UGT1A7: variants seen among roughly 807,000 people sequenced by gnomAD.
UGT1A7 encodes the protein UDP glucuronosyltransferase family 1 member A7.
A neutral mutation model predicts 45.6 loss-of-function variants in UGT1A7; 33 were observed. The observed-to-expected ratio is 0.72, with a 90% CI of 0.55 to 0.97. UGT1A7 has a LOEUF of 0.97. Ranked by LOEUF, UGT1A7 falls within the 50% of genes least tolerant of loss-of-function variation. The probability of loss-of-function intolerance (pLI) is 0.00; values close to 1 mark genes in which losing one functional copy is unlikely to be tolerated. For missense variants in UGT1A7, 684 were observed against 666.2 expected (o/e 1.03, Z -0.29); for synonymous variants, 274 against 250.6 (o/e 1.09, Z -0.88).
At chr2:233,752,814 C>T (rs1695070900) in intron 1 of UGT1A7, among the ~76,000 whole-genome samples, 1 of 152,214 alleles carries the variant, frequency 6.6e-6, no homozygotes, top group African/African-American at 2.4e-5. Flanking sequence ...GAACACTTCC[C>T]ATTTATGACA....
intron 1 of UGT1A7, chr2:233,719,603 T>G (rs138347224): frequency 3.1e-5 from 50 of 1,610,688 alleles, no homozygotes; most frequent in Non-Finnish European, 3.7e-5. Context: ...GAGGGGACTT[T>G]GTGATGGACT....
rs34681509 is a variant in UGT1A7 at position 233,762,717 on chromosome 2, GT to G, written c.856-4305del. On this transcript the variant is annotated intron_variant, in intron 1 of 4. Transcript: ENST00000373426. ...CATCTTTTCTTAAGTATTTTACACGGTTTTTTTTTTTTGGTCACTACTGTGA... is the reference window on the plus strand; with the variant it reads ...CATCTTTTCTTAAGTATTTTACACGGTTTTTTTTTTTGGTCACTACTGTGA... Among the ~76,000 whole-genome samples the G allele has an allele frequency of 9.0e-3, 1,271 of 141,024 alleles. 11 individuals carry two copies. The highest frequency in any genetic ancestry group is 0.017 in the Admixed American group (234 of 14,104). The allele number at this position is 141,024 out of a possible 152,430, so 92.5% of individuals were successfully genotyped here.
chr2:233,737,385 T>G (rs1256116347), intron 1 of UGT1A7, among the ~76,000 whole-genome samples: 3 of 152,226 alleles, frequency 2.0e-5, no homozygotes, highest in Non-Finnish European at 4.4e-5. Flanking sequence ...AGAATCTCCT[T>G]GTCTGCCAGT....
At position 233,701,149 on chromosome 2, in the gene UGT1A7, T is replaced by G. The variant is rs530857343; in HGVS notation, c.855+18357T>G. ...GGACATTTAGGTTGGTTCCAAGTCT[T>G]TGCTATTGTGAATAGTGCCGTTATA... On this transcript the variant is annotated intron_variant, in intron 1 of 4. Transcript: ENST00000373426. Among the ~76,000 whole-genome samples the G allele has an allele frequency of 9.2e-5, 14 of 152,334 alleles. No homozygotes were observed. The South Asian group carries it at 2.1e-3, about 23-fold the overall frequency.
chr2:233,715,350 G>A (rs756045317), intron 1 of UGT1A7, among the ~76,000 whole-genome samples: 3 of 151,318 alleles, frequency 2.0e-5, no homozygotes, highest in Non-Finnish European at 4.4e-5. Context: ...GTAGGTTTGA[G>A]GTTTGAGACT....
intron 1 of UGT1A7, among the ~76,000 whole-genome samples, chr2:233,698,935 C>T (rs1430482014): frequency 6.6e-6 from 1 of 152,234 alleles, no homozygotes; most frequent in Non-Finnish European, 1.5e-5. Flanking sequence ...CAGAGGGCTG[C>T]TTGGTTTCTG....
chr2:233,767,858 CG>C lies in UGT1A7; in HGVS notation c.999del (p.Tyr334ThrfsTer29). The C allele has an allele frequency of 6.2e-7, 1 of 1,614,120 alleles. No individual in the cohort carries two copies. Among genetic ancestry groups the C allele is most frequent in the South Asian group, 1.1e-5 (1 of 91,080 alleles). On this transcript the variant is annotated frameshift_variant, in exon 3 of 5. Coordinates refer to ENST00000373426, the MANE Select transcript of UGT1A7 (RefSeq NM_019077.3). LOFTEE classifies it high-confidence loss of function. ...LGKIPQTVLW[R>X]YTGTRPSNLA... The stretch of plus-strand genomic sequence containing the variant: ...TTTTTGCCCCTCCCAGGTCCTGTGG[CG>C]GTACACTGGAACCCGACCATCGAAT...
At chr2:233,766,233 G>A (rs1441393259) in intron 1 of UGT1A7, among the ~76,000 whole-genome samples, 4 of 152,090 alleles carry the variant, frequency 2.6e-5, no homozygotes, top group African/African-American at 9.7e-5. Context: ...AATGGGAAGG[G>A]TTTCCCCTGG....
At chr2:233,745,540 A>C (rs952908361) in intron 1 of UGT1A7, among the ~76,000 whole-genome samples, 1 of 151,766 alleles carries the variant, frequency 6.6e-6, no homozygotes, top group African/African-American at 2.4e-5. Flanking sequence ...TTATGTCACC[A>C]GAACAAACTT....
intron 1 of UGT1A7, among the ~76,000 whole-genome samples, chr2:233,684,036 T>A (rs1038069195): frequency 2.6e-5 from 4 of 152,206 alleles, no homozygotes; most frequent in Admixed American, 6.5e-5. Context: ...AGTTGCTAAA[T>A]CCAGGTGAAA....
At chr2:233,760,776 C>T in intron 1 of UGT1A7, 1 of 1,613,940 alleles carries the variant, frequency 6.2e-7, no homozygotes, top group Non-Finnish European at 8.5e-7. Flanking sequence ...TGGCCCAGTA[C>T]CTGTCTCTGC....
At chr2:233,694,057 G>A (rs1437140382) in intron 1 of UGT1A7, among the ~76,000 whole-genome samples, 2 of 152,344 alleles carry the variant, frequency 1.3e-5, no homozygotes, top group East Asian at 3.9e-4. Context: ...GCATTCGGAT[G>A]AAGACAGGGC....
intron 1 of UGT1A7, chr2:233,755,330 C>T (rs1695864854): frequency 6.5e-6 from 3 of 463,614 alleles, no homozygotes; most frequent in East Asian, 7.0e-5. Context: ...TGCCAGCACC[C>T]GCGCACAGGT....
Position 233,720,841 on chromosome 2 carries a change from G to A in UGT1A7, c.855+38049G>A, listed in dbSNP as rs529446200. 1.9e-4 allele frequency among the ~76,000 whole-genome samples: 29 copies of A among 151,182 alleles called. 2 individuals carry two copies. Among genetic ancestry groups the A allele is most frequent in the Middle Eastern group, 6.9e-3 (2 of 290 alleles). ...CCACCTCAGTCTCCTGAGTAACTGG[G>A]ACTGCAGGCATGTGCCACTGCTCCT... On this transcript the variant is annotated intron_variant, in intron 1 of 4. Coordinates refer to ENST00000373426, the MANE Select transcript of UGT1A7 (RefSeq NM_019077.3).
In UGT1A7 at chr2:233,682,090, G is replaced by C; in HGVS notation, c.153G>C (p.Arg51Ser). The change falls in exon 1 of 5, where the codon AGG becomes AGC. Residue 51 changes from arginine to serine, a missense_variant. Arg to Ser is a moderately radical substitution (Grantham distance 110). Coordinates refer to ENST00000373426, the MANE Select transcript of UGT1A7 (RefSeq NM_019077.3). ...CGGTGGTGGAGAAACTCATCCTCAGGGGGCATGAGGTGGTCGTAGTCATGC... is the reference window on the plus strand; with the variant it reads ...CGGTGGTGGAGAAACTCATCCTCAGCGGGCATGAGGTGGTCGTAGTCATGC... ...MQSVVEKLIL[R>S]GHEVVVVMPE... The C allele has an allele frequency of 6.2e-7, 1 of 1,614,076 alleles. No homozygotes were observed. Among genetic ancestry groups the C allele is most frequent in the Non-Finnish European group, 8.5e-7 (1 of 1,180,006 alleles).
chr2:233,708,438 T>C (rs1435886261), intron 1 of UGT1A7: 1 of 152,216 alleles, frequency 6.6e-6, no homozygotes, highest in African/African-American at 2.4e-5. Context: ...AACTGGTATT[T>C]ACCTTCTGCA....
chr2:233,734,966 G>A (rs1165220522), intron 1 of UGT1A7, among the ~76,000 whole-genome samples: 1 of 152,234 alleles, frequency 6.6e-6, no homozygotes, highest in Non-Finnish European at 1.5e-5. Flanking sequence ...AGTGTGATGT[G>A]GTGCTGAGAA....
chr2:233,757,065 T>C (rs1273460805), intron 1 of UGT1A7, among the ~76,000 whole-genome samples: 1 of 151,244 alleles, frequency 6.6e-6, no homozygotes, highest in Non-Finnish European at 1.5e-5. Flanking sequence ...CAGCAAGGGA[T>C]CCAGAATGGC....
At position 233,768,432 on chromosome 2, in the gene UGT1A7, G is replaced by C; in HGVS notation, c.1288G>C (p.Asp430His). 6.2e-7 allele frequency: 1 copy of C among 1,613,814 alleles called. No individual in the cohort carries two copies. Among genetic ancestry groups the C allele is most frequent in the Non-Finnish European group, 8.5e-7 (1 of 1,179,896 alleles). The change falls in exon 4 of 5, where the codon GAC becomes CAC. Residue 430 changes from aspartate to histidine, a missense_variant. Physicochemically the swap from Asp to His is moderately conservative, Grantham distance 81. Coordinates refer to ENST00000373426, the MANE Select transcript of UGT1A7 (RefSeq NM_019077.3). ...AAATGCTCTAAAAGCAGTCATCAAT[G>C]ACAAAAGGTAAGAAAGAAGATACAG... is the stretch of plus-strand genomic sequence containing the variant. The part of the protein sequence containing the change: ...LENALKAVIN[D>H]KSYKENIMRL...
Sources: allele counts gnomAD v4.1 joint callset (sites outside exome capture counted in the v4.1 genomes callset), GRCh38; gene constraint gnomAD v4.1.1; transcripts MANE v1.5; gene names NCBI Gene and HGNC (gene_info 2026-07-23, HGNC 2026-07-21).